BRAP: variants seen among roughly 807,000 people sequenced by gnomAD.
The protein encoded by BRAP is BRCA1-associated protein.
In BRAP, 42 loss-of-function variants were observed where a neutral mutation model predicts 73.4. That is an observed-to-expected ratio of 0.57 (90% CI 0.45 to 0.74). BRAP has a LOEUF of 0.74. Ranked by LOEUF, BRAP falls within the 30% of genes least tolerant of loss-of-function variation. BRAP has a pLI of 0.00. For synonymous variants in BRAP, 255 were observed against 267.4 expected, an observed-to-expected ratio of 0.95 and a Z score of 0.45; for missense variants, 593 against 751.4, an observed-to-expected ratio of 0.79 and a Z score of 2.46.
At chr12:111,671,681 CTTTT>C (rs980479092) in intron 5 of BRAP, among the ~76,000 whole-genome samples, 1 of 113,112 alleles carries the variant, frequency 8.8e-6, no homozygotes. Flanking sequence ...AACAGAGAGA[CTTTT>C]TTTTTTTTTT....
At chr12:111,684,674 GT>G (rs200198253) in intron 1 of BRAP, among the ~76,000 whole-genome samples, 28 of 142,834 alleles carry the variant, frequency 2.0e-4, no homozygotes, top group Middle Eastern at 3.5e-3. Context: ...TTTTTTTTTT[GT>G]TTTTTTTTTT....
At chr12:111,655,275 T>G (rs1886483523) in intron 10 of BRAP, among the ~76,000 whole-genome samples, 1 of 149,722 alleles carries the variant, frequency 6.7e-6, no homozygotes, top group Non-Finnish European at 1.5e-5. Flanking sequence ...AACCCTCAGG[T>G]AGATACTTCT....
At chr12:111,656,631 C>T (rs7971818) in intron 9 of BRAP, among the ~76,000 whole-genome samples, 2,379 of 152,302 alleles carry the variant, frequency 0.016, 74 homozygotes, top group African/African-American at 0.054. Context: ...GAGAAGAACA[C>T]CTATGCTACT....
chr12:111,681,598 A>G, intron 3 of BRAP, 39 bp downstream of exon 3: 1 of 1,530,154 alleles, frequency 6.5e-7, no homozygotes, highest in African/African-American at 1.4e-5. Flanking sequence ...AAAAAAAAAA[A>G]AAAATTGACT....
At position 111,649,927 on chromosome 12, in the gene BRAP, G is replaced by A. The variant is rs1886255345; in HGVS notation, c.1415+12C>T. The A allele has an allele frequency of 4.5e-6, 7 of 1,556,582 alleles. No individual in the cohort carries two copies. The highest frequency in any genetic ancestry group is 2.2e-5 in the East Asian group (1 of 44,524). Reference sequence around the variant, plus strand: ...AGAGCCTGTTACAACAGAATAGACCGATTATACCTACTTTCTTTCCACAGA... The same window carrying A: ...AGAGCCTGTTACAACAGAATAGACCAATTATACCTACTTTCTTTCCACAGA... On this transcript the variant is annotated intron_variant, in intron 11 of 11. Transcript: ENST00000419234.
chr12:111,648,962 C>T (rs1592967196), intron 11 of BRAP, among the ~76,000 whole-genome samples: 2 of 151,982 alleles, frequency 1.3e-5, no homozygotes, highest in Admixed American at 6.6e-5. Flanking sequence ...GGTTGTGCCA[C>T]TGTACTCCAG....
At chr12:111,655,420 A>G (rs1016740524) in intron 10 of BRAP, 146 bp downstream of exon 10, 7 of 549,918 alleles carry the variant, frequency 1.3e-5, no homozygotes, top group African/African-American at 1.9e-5. Context: ...GTTTCTTTTT[A>G]GTGGCAAAAC....
At chr12:111,649,806 C>A (rs1311300648) in intron 11 of BRAP, 133 bp downstream of exon 11, 2 of 586,600 alleles carry the variant, frequency 3.4e-6, no homozygotes, top group Non-Finnish European at 5.8e-6. Flanking sequence ...AAACGAGAAG[C>A]CTGTTCCATA....
At chr12:111,672,530 C>A in intron 5 of BRAP, 131 bp downstream of exon 5, 1 of 729,594 alleles carries the variant, frequency 1.4e-6, no homozygotes, top group Non-Finnish European at 2.2e-6. Flanking sequence ...TCTCTTCCTG[C>A]CCTGATAACC....
chr12:111,654,342 G>A (rs1020248711), intron 10 of BRAP, among the ~76,000 whole-genome samples: 1 of 149,806 alleles, frequency 6.7e-6, no homozygotes, highest in Non-Finnish European at 1.5e-5. Flanking sequence ...TTGAGACAGA[G>A]TCTCGGTCTG....
At chr12:111,650,987 A>G (rs1341004614) in intron 10 of BRAP, among the ~76,000 whole-genome samples, 2 of 152,124 alleles carry the variant, frequency 1.3e-5, no homozygotes, top group Non-Finnish European at 2.9e-5. Flanking sequence ...TAGATACTGG[A>G]TCCACTCCTG....
intron 4 of BRAP, among the ~76,000 whole-genome samples, chr12:111,678,281 G>C (rs1026928187): frequency 6.6e-6 from 1 of 151,334 alleles, no homozygotes; most frequent in Non-Finnish European, 1.5e-5. Flanking sequence ...GAAAGAAGTG[G>C]GGGTAATGGA....
intron 7 of BRAP, 93 bp downstream of exon 7, chr12:111,660,507 T>A: frequency 1.8e-6 from 2 of 1,094,612 alleles, no homozygotes; most frequent in Non-Finnish European, 2.5e-6. Context: ...AAAAAATAAA[T>A]TAAAAATAAA....
At chr12:111,685,436 C>T (rs892236658) in intron 1 of BRAP, among the ~76,000 whole-genome samples, 1 of 152,224 alleles carries the variant, frequency 6.6e-6, no homozygotes, top group East Asian at 1.9e-4. Context: ...GAGACAAACA[C>T]ACCACTCGAC....
At chr12:111,663,284 T>C (rs902664055) in intron 6 of BRAP, among the ~76,000 whole-genome samples, 1 of 151,768 alleles carries the variant, frequency 6.6e-6, no homozygotes, top group Non-Finnish European at 1.5e-5. Context: ...CAAAACCCCA[T>C]CTCTACTAAA....
At position 111,668,874 on chromosome 12, in the gene BRAP, T is replaced by G. The variant is rs141093348; in HGVS notation, c.748-3087A>C. ...GTTTTCACCATGTTAACCAAGATGGTCTCGATCTCCTGACCTCGTGATCCA... is the reference window on the plus strand; with the variant it reads ...GTTTTCACCATGTTAACCAAGATGGGCTCGATCTCCTGACCTCGTGATCCA... On this transcript the variant is annotated intron_variant, in intron 5 of 11. Transcript: ENST00000419234. Among the ~76,000 whole-genome samples, 265 of 152,198 alleles carry G rather than the reference T, an allele frequency of 1.7e-3. 1 individual carries two copies. The highest frequency in any genetic ancestry group is 6.1e-3 in the African/African-American group (252 of 41,544).
intron 5 of BRAP, chr12:111,669,815 T>C (rs964421152): frequency 3.7e-6 from 2 of 544,758 alleles, no homozygotes; most frequent in Non-Finnish European, 6.3e-6. Flanking sequence ...CTTTTAAGTT[T>C]ACACCCACCC....
chr12:111,652,952 G>A (rs1367032179), intron 10 of BRAP, among the ~76,000 whole-genome samples: 1 of 152,224 alleles, frequency 6.6e-6, no homozygotes, highest in African/African-American at 2.4e-5. Flanking sequence ...CTCATGATCC[G>A]CCCGCCTTGG....
Position 111,683,305 on chromosome 12 carries a change from C to T in BRAP, c.85G>A (p.Gly29Arg), listed in dbSNP as rs202105196. 8 of 1,608,138 alleles carry T rather than the reference C, an allele frequency of 5.0e-6. No individual in the cohort carries two copies. The highest frequency in any genetic ancestry group is 2.2e-5 in the South Asian group (2 of 89,896). The change falls in exon 2 of 12, where the codon GGG becomes AGG. Residue 29 changes from glycine to arginine, a missense_variant and splice_region_variant. Transcript: ENST00000419234. ...TTTATCTCCTCATCAGACATTTCCC[C>T]GGCTAAAGAACACATGAATGATTAA... ...PAGFGFSAAA[G>R]EMSDEEIKKT...
Sources: gnomAD v4.1 joint callset for allele counts (sites outside exome capture counted in the v4.1 genomes callset) on GRCh38, gnomAD v4.1.1 for gene constraint, MANE v1.5 for transcripts, NCBI Gene and HGNC (gene_info 2026-07-23, HGNC 2026-07-21) for gene names.